Variants in VWA3B observed in about 807,000 individuals in gnomAD.
VWA3B encodes von Willebrand factor A domain containing 3B, also known as von Willebrand factor A domain-containing protein 3B.
Under a neutral mutation model 158.3 loss-of-function variants are expected in VWA3B, and 138 were observed. The ratio of observed to expected loss-of-function variants is 0.87; its 90% CI spans 0.76 to 1.00. VWA3B has a LOEUF of 1.00. Among genes scored for constraint, VWA3B ranks in the 50% least tolerant of loss-of-function variants. VWA3B has a pLI of 0.00. For synonymous variants in VWA3B, 596 were observed against 587.3 expected (o/e 1.01, Z -0.21); for missense variants, 1,555 against 1,565.1 (o/e 0.99, Z 0.11).
At chr2:98,220,739 G>T (rs1162424297) in intron 14 of VWA3B, among the ~76,000 whole-genome samples, 1 of 152,160 alleles carries the variant, frequency 6.6e-6, no homozygotes, top group Admixed American at 6.5e-5. Flanking sequence ...ATCAATGATA[G>T]ACTGGATAAA....
chr2:98,244,599 G>A (rs545437692), intron 19 of VWA3B, among the ~76,000 whole-genome samples: 13 of 152,112 alleles, frequency 8.5e-5, no homozygotes, highest in South Asian at 4.1e-4. Flanking sequence ...AATCTCAGCC[G>A]TTAATTTATA....
chr2:98,245,073 G>A (rs1033500441), intron 19 of VWA3B, among the ~76,000 whole-genome samples: 3 of 152,068 alleles, frequency 2.0e-5, no homozygotes, highest in Non-Finnish European at 4.4e-5. Context: ...ATTTGATAAG[G>A]CTTCTAGGTT....
rs747074325 is a variant in VWA3B at position 98,312,374 on chromosome 2, A to G, written c.*25A>G. ...AGGCCGTCTGGTGGCAGCTATGTTT[A>G]AGAGACCAGCGTCCTTCCAGGCTGT... is the stretch of plus-strand genomic sequence containing the variant. On this transcript the variant is annotated 3_prime_UTR_variant, in exon 28 of 28. Transcript: ENST00000477737. 1.9e-6 allele frequency: 3 copies of G among 1,592,328 alleles called. No individual in the cohort carries two copies. In the South Asian group the frequency reaches 3.4e-5, roughly 18 times the overall value.
At chr2:98,253,375 T>C (rs1330389605) in intron 20 of VWA3B, among the ~76,000 whole-genome samples, 1 of 152,158 alleles carries the variant, frequency 6.6e-6, no homozygotes, top group East Asian at 1.9e-4. Context: ...AATAATGACA[T>C]AAACTTGTTA....
At chr2:98,304,176 C>T (rs1283934451) in intron 26 of VWA3B, among the ~76,000 whole-genome samples, 1 of 152,176 alleles carries the variant, frequency 6.6e-6, no homozygotes, top group African/African-American at 2.4e-5. Context: ...CTGGCCCTGG[C>T]TTGCCTGTAG....
intron 21 of VWA3B, among the ~76,000 whole-genome samples, chr2:98,260,388 C>T (rs1212797193): frequency 2.6e-5 from 4 of 151,054 alleles, no homozygotes; most frequent in Non-Finnish European, 5.9e-5. Flanking sequence ...ATTCAGCCAA[C>T]CATGCATAAA....
chr2:98,100,867 G>A (rs146149193), intron 2 of VWA3B, among the ~76,000 whole-genome samples: 12 of 152,196 alleles, frequency 7.9e-5, no homozygotes, highest in Admixed American at 1.3e-4. Context: ...ACCAGGTACC[G>A]TGATCTGTCA....
intron 19 of VWA3B, among the ~76,000 whole-genome samples, chr2:98,246,138 T>C (rs1686379867): frequency 6.6e-6 from 1 of 152,108 alleles, no homozygotes; most frequent in African/African-American, 2.4e-5. Context: ...AATGAAACAA[T>C]ACAGTAAAAA....
chr2:98,270,623 T>G, intron 21 of VWA3B, 59 bp from the exon 22 acceptor site: 2 of 1,524,700 alleles, frequency 1.3e-6, no homozygotes, highest in Non-Finnish European at 1.8e-6. Flanking sequence ...TTTATTATAG[T>G]CATTTTCTTT....
rs1019519701 is a variant in VWA3B at position 98,307,336 on chromosome 2, G to A, written c.3521+3534G>A. On this transcript the variant is annotated intron_variant, in intron 26 of 27. Coordinates refer to ENST00000477737, the MANE Select transcript of VWA3B (RefSeq NM_144992.5). Reference sequence around the variant, plus strand: ...ATGCCCGGTTTCCATTGGCTGGAACGGGACCTCACATTCTGTATTTGTTCT... The same window carrying A: ...ATGCCCGGTTTCCATTGGCTGGAACAGGACCTCACATTCTGTATTTGTTCT... 3.3e-5 allele frequency among the ~76,000 whole-genome samples: 5 copies of A among 152,276 alleles called. No homozygotes were observed. The South Asian group carries it at 8.3e-4, about 25-fold the overall frequency.
chr2:98,179,907 TTC>T (rs959774088), intron 8 of VWA3B, among the ~76,000 whole-genome samples: 51 of 136,380 alleles, frequency 3.7e-4, no homozygotes, highest in Non-Finnish European at 5.9e-4. Flanking sequence ...TTTCTCTTTC[TTC>T]TCTCTCTCTC....
intron 26 of VWA3B, among the ~76,000 whole-genome samples, chr2:98,306,682 A>G (rs1263024581): frequency 2.6e-5 from 4 of 152,168 alleles, no homozygotes; most frequent in Non-Finnish European, 4.4e-5. Flanking sequence ...ACCAAACTCA[A>G]TGTTATCAAT....
Position 98,192,864 on chromosome 2 carries a change from C to G in VWA3B, c.1467-34C>G, listed in dbSNP as rs202109514. The G allele has an allele frequency of 1.1e-4, 177 of 1,613,982 alleles. 1 individual carries two copies. Among genetic ancestry groups the G allele is most frequent in the Non-Finnish European group, 1.8e-5 (21 of 1,180,008 alleles). Reference sequence around the variant, plus strand: ...AAGATGCTCTTGTTGCCTGCAGGCTCTCACCATTCACTTTCAACCTACTTC... The same window carrying G: ...AAGATGCTCTTGTTGCCTGCAGGCTGTCACCATTCACTTTCAACCTACTTC... On this transcript the variant is annotated intron_variant, in intron 10 of 27. Coordinates refer to ENST00000477737, the MANE Select transcript of VWA3B (RefSeq NM_144992.5).
intron 7 of VWA3B, among the ~76,000 whole-genome samples, chr2:98,157,953 T>G (rs1459453247): frequency 6.6e-6 from 1 of 152,204 alleles, no homozygotes; most frequent in African/African-American, 2.4e-5. Flanking sequence ...CTGGAAACGA[T>G]AGTACTTCAG....
chr2:98,270,975 TC>T, intron 22 of VWA3B, 92 bp downstream of exon 22: 2 of 1,233,996 alleles, frequency 1.6e-6, no homozygotes, highest in Non-Finnish European at 2.3e-6. Context: ...TGTCTCCCAC[TC>T]CCCGCCACAC....
intron 27 of VWA3B, 72 bp downstream of exon 27, chr2:98,312,104 A>G (rs1690941031): frequency 1.2e-6 from 2 of 1,610,978 alleles, no homozygotes; most frequent in Non-Finnish European, 1.7e-6. Context: ...CAAGAATAGT[A>G]CACCTAACAT....
Position 98,230,171 on chromosome 2 carries a change from G to C in VWA3B, c.2272G>C (p.Asp758His). The change falls in exon 16 of 28, where the codon GAT becomes CAT. Residue 758 changes from aspartate (D) to histidine (H), a missense_variant. Transcript: ENST00000477737. ...GTTGAAGGGACCATGGGGCCTTTCA[G>C]ATCAAAAGGTTCAGAAAAAGAAAGT... is the stretch of plus-strand genomic sequence containing the variant. ...NMLKGPWGLS[D>H]QKVQKKKVLH... The C allele has an allele frequency of 6.3e-7, 1 of 1,591,868 alleles. No individual in the cohort carries two copies. Among genetic ancestry groups the C allele is most frequent in the African/African-American group, 1.4e-5 (1 of 73,650 alleles).
chr2:98,303,226 A>T (rs4851959), intron 25 of VWA3B, among the ~76,000 whole-genome samples: 4 of 148,628 alleles, frequency 2.7e-5, no homozygotes. Context: ...CCTACAGGAC[A>T]TGGGGCCCTG....
chr2:98,328,207 C>A, the VWA3B span, among the ~76,000 whole-genome samples: 2 of 152,042 alleles, frequency 1.3e-5, no homozygotes, highest in Admixed American at 1.3e-4. Flanking sequence ...CCTCGAACCC[C>A]CTATAAATAT....
Sources: gnomAD v4.1 joint callset for allele counts (sites outside exome capture counted in the v4.1 genomes callset) on GRCh38, gnomAD v4.1.1 for gene constraint, MANE v1.5 for transcripts, NCBI Gene and HGNC (gene_info 2026-07-23, HGNC 2026-07-21) for gene names.